FAF1: variants seen among roughly 807,000 people sequenced by gnomAD.
FAF1 encodes Fas associated factor 1.
In FAF1, 25 loss-of-function variants were observed where a neutral mutation model predicts 92.5. The observed-to-expected ratio is 0.27, with a 90% CI of 0.20 to 0.38. The LOEUF is 0.38. Ranked by LOEUF, FAF1 falls within the 10% of genes least tolerant of loss-of-function variation. FAF1 has a pLI of 1.00. For missense variants in FAF1, 636 were observed against 793.3 expected, an observed-to-expected ratio of 0.80 and a Z score of 2.38; for synonymous variants, 234 against 273.2, an observed-to-expected ratio of 0.86 and a Z score of 1.42.
intron 1 of FAF1, among the ~76,000 whole-genome samples, chr1:50,859,393 G>C (rs1004121617): frequency 6.6e-6 from 1 of 151,322 alleles, no homozygotes; most frequent in Non-Finnish European, 1.5e-5. Context: ...TCCTGGAACC[G>C]ATAACTTCAG....
At chr1:50,530,944 G>C in intron 15 of FAF1, among the ~76,000 whole-genome samples, 1 of 152,170 alleles carries the variant, frequency 6.6e-6, no homozygotes, top group African/African-American at 2.4e-5. Flanking sequence ...GCTGAAAACA[G>C]ACTAAGACAA....
At chr1:50,957,513 G>A (rs1221290147) in intron 1 of FAF1, among the ~76,000 whole-genome samples, 1 of 151,718 alleles carries the variant, frequency 6.6e-6, no homozygotes, top group African/African-American at 2.4e-5. Flanking sequence ...CACCTCGACC[G>A]GCTAATTTTT....
chr1:50,610,494 GTTA>G (rs1446484254), intron 8 of FAF1, among the ~76,000 whole-genome samples: 3 of 152,202 alleles, frequency 2.0e-5, no homozygotes, highest in Non-Finnish European at 1.5e-5. Context: ...CACGTTAATT[GTTA>G]TTGTTGTTAT....
chr1:50,789,600 T>C (rs749933852), intron 3 of FAF1, among the ~76,000 whole-genome samples: 2 of 152,192 alleles, frequency 1.3e-5, no homozygotes, highest in Non-Finnish European at 2.9e-5. Context: ...CAAGCCACAA[T>C]TACCTCCTGT....
chr1:50,940,449 G>T (rs555834496), intron 1 of FAF1, among the ~76,000 whole-genome samples: 4 of 152,168 alleles, frequency 2.6e-5, no homozygotes, highest in Non-Finnish European at 2.9e-5. Context: ...GTTTTGTAGA[G>T]ATGAGGTCTC....
At chr1:50,759,151 T>C (rs1374349683) in intron 4 of FAF1, among the ~76,000 whole-genome samples, 1 of 152,148 alleles carries the variant, frequency 6.6e-6, no homozygotes, top group African/African-American at 2.4e-5. Flanking sequence ...TTTTAATTTT[T>C]TTAAAATTAT....
At chr1:50,822,261 T>C (rs1015057979) in intron 2 of FAF1, among the ~76,000 whole-genome samples, 1 of 152,038 alleles carries the variant, frequency 6.6e-6, no homozygotes, top group African/African-American at 2.4e-5. Context: ...GATATCACTA[T>C]CAAAATAGCC....
chr1:50,939,082 G>GT (rs1335528494), intron 1 of FAF1, among the ~76,000 whole-genome samples: 1 of 152,114 alleles, frequency 6.6e-6, no homozygotes, highest in Non-Finnish European at 1.5e-5. Context: ...TTTTAGAATA[G>GT]TTTTTTTAGT....
chr1:50,608,548 A>G (rs1652532516), intron 8 of FAF1, among the ~76,000 whole-genome samples: 2 of 152,168 alleles, frequency 1.3e-5, no homozygotes, highest in African/African-American at 4.8e-5. Flanking sequence ...AGGCTGCAAC[A>G]TTGCTTCAAT....
chr1:50,899,084 ATTCACTAGTATACAAG>A (rs944568358), intron 1 of FAF1, among the ~76,000 whole-genome samples: 41 of 152,074 alleles, frequency 2.7e-4, no homozygotes, highest in East Asian at 9.7e-4. Flanking sequence ...CTTCTCTGGA[ATTCACTAGTATACAAG>A]TTCACTAGTA....
At chr1:50,787,183 T>C (rs909952226) in intron 4 of FAF1, among the ~76,000 whole-genome samples, 1 of 152,180 alleles carries the variant, frequency 6.6e-6, no homozygotes, top group Admixed American at 6.5e-5. Context: ...GGCATATACT[T>C]TCACCTCCTT....
chr1:50,624,700 T>C (rs1653409046), intron 8 of FAF1, among the ~76,000 whole-genome samples: 1 of 152,208 alleles, frequency 6.6e-6, no homozygotes, highest in South Asian at 2.1e-4. Context: ...AGGCTTATCC[T>C]ATGCACTAAA....
Position 50,728,841 on chromosome 1 carries a change from G to C in FAF1, c.551+10022C>G, listed in dbSNP as rs1351843525. Among the ~76,000 whole-genome samples the C allele has an allele frequency of 4.0e-5, 6 of 150,314 alleles. No homozygotes were observed. In the South Asian group the frequency reaches 8.4e-4, roughly 21 times the overall value. ...GAAAACTAGTGGAGAGTTTTGAGCA[G>C]GGTAGCTATAATCAAGCTGTAGTTT... On this transcript the variant is annotated intron_variant, in intron 6 of 18. Transcript: ENST00000396153.
Position 50,714,496 on chromosome 1 carries a change from G to A in FAF1, c.552-8605C>T, listed in dbSNP as rs576069534. ...ACTGCACTCCAGCCTGGGCAGCAAG[G>A]TGAGACTTTGTCTCAAAAACAAACA... On this transcript the variant is annotated intron_variant, in intron 6 of 18. Transcript: ENST00000396153. Among the ~76,000 whole-genome samples the A allele has an allele frequency of 2.5e-3, 388 of 152,210 alleles. 2 individuals carry two copies. The highest frequency in any genetic ancestry group is 3.8e-3 in the Non-Finnish European group (260 of 68,002).
intron 1 of FAF1, among the ~76,000 whole-genome samples, chr1:50,921,995 C>T (rs1307492490): frequency 1.3e-5 from 2 of 149,526 alleles, no homozygotes; most frequent in Admixed American, 6.7e-5. Flanking sequence ...GGTGAAACCC[C>T]GTCTCCACTA....
At chr1:50,530,526 T>C (rs1291115576) in intron 15 of FAF1, among the ~76,000 whole-genome samples, 2 of 151,834 alleles carry the variant, frequency 1.3e-5, no homozygotes, top group African/African-American at 2.4e-5. Flanking sequence ...GGATGTTTAA[T>C]GGGTACAAAA....
At position 50,535,448 on chromosome 1, in the gene FAF1, G is replaced by C; in HGVS notation, c.1415C>G (p.Thr472Arg). 1 of 1,604,160 alleles carries C rather than the reference G, an allele frequency of 6.2e-7. No homozygotes were observed. The highest frequency in any genetic ancestry group is 1.7e-5 in the Admixed American group (1 of 59,860). ...GAGTCTCATCATTAACTCATCTACT[G>C]TTGTGTTCCCTAAAAACATATAGAG... The part of the protein sequence containing the change: ...EVLNVIQGNT[T>R]VDELMMRLMA... The change falls in exon 15 of 19, where the codon ACA becomes AGA. Residue 472 changes from threonine (T) to arginine (R), a missense_variant. By Grantham distance (71) the Thr-to-Arg change is moderately conservative. Coordinates refer to ENST00000396153, the MANE Select transcript of FAF1 (RefSeq NM_007051.3).
chr1:50,464,491 T>C (rs1646470904), intron 18 of FAF1, among the ~76,000 whole-genome samples: 1 of 152,228 alleles, frequency 6.6e-6, no homozygotes. Context: ...TACTGCATTT[T>C]ACTAAGGGGA....
chr1:50,757,554 C>T lies in FAF1; in HGVS notation c.368-12779G>A, dbSNP rs148473891. ...TGTCCAGAGTCTAGCTCATCCCATACTAACATAGATCCTTCAGGTTATGAT... is the reference window on the plus strand; with the variant it reads ...TGTCCAGAGTCTAGCTCATCCCATATTAACATAGATCCTTCAGGTTATGAT... On this transcript the variant is annotated intron_variant, in intron 4 of 18. Coordinates refer to ENST00000396153, the MANE Select transcript of FAF1 (RefSeq NM_007051.3). Among the ~76,000 whole-genome samples the T allele has an allele frequency of 6.6e-5, 10 of 152,326 alleles. No individual in the cohort carries two copies. The East Asian group carries it at 1.5e-3, about 23-fold the overall frequency.
Sources: gnomAD v4.1 joint callset for allele counts (sites outside exome capture counted in the v4.1 genomes callset) on GRCh38, gnomAD v4.1.1 for gene constraint, MANE v1.5 for transcripts, NCBI Gene and HGNC (gene_info 2026-07-23, HGNC 2026-07-21) for gene names.